The following TMEM255B variants were observed in gnomAD, a reference collection of about 807,000 sequenced individuals.
TMEM255B encodes family with sequence similarity 70, member B.
TMEM255B carries 35 observed loss-of-function variants against 34.5 expected under a neutral mutation model. The observed-to-expected ratio is 1.01, with a 90% CI of 0.77 to 1.34. TMEM255B has a LOEUF of 1.34. Among genes scored for constraint, TMEM255B ranks in the 40% most tolerant of loss-of-function variants. The probability of loss-of-function intolerance (pLI) is 0.00; values close to 1 mark genes in which losing one functional copy is unlikely to be tolerated. For missense variants in TMEM255B, 432 were observed against 433.2 expected (o/e 1.00, Z 0.02); for synonymous variants, 206 against 201.2 (o/e 1.02, Z -0.20).
intron 2 of TMEM255B, among the ~76,000 whole-genome samples, chr13:113,767,322 A>C (rs1185650026): frequency 6.6e-6 from 1 of 152,258 alleles, no homozygotes. Flanking sequence ...GTATCTATGC[A>C]GAAAAAGCTT....
At chr13:113,766,056 G>A in intron 1 of TMEM255B, 59 bp from the exon 2 acceptor site, 1 of 1,603,752 alleles carries the variant, frequency 6.2e-7, no homozygotes, top group Non-Finnish European at 8.5e-7. Flanking sequence ...GAGCCTGCTG[G>A]CCTGACGCCC....
rs567425998 is a variant in TMEM255B, at chr13:113,807,646, G to A, written c.813+2618G>A. 6.6e-5 allele frequency among the ~76,000 whole-genome samples: 9 copies of A among 136,458 alleles called. No individual in the cohort carries two copies. In the East Asian group the frequency reaches 9.0e-4, roughly 14 times the overall value. 89.5% of individuals were successfully genotyped at this position (136,458 alleles called of 152,430 possible). On this transcript the variant is annotated intron_variant, in intron 8 of 8. Coordinates refer to ENST00000375353, the MANE Select transcript of TMEM255B (RefSeq NM_182614.4). ...TGGGGGGTGGTCCTCCCTGTCACAC[G>A]CAGGCTTACGGGATGTGGGGGGCGG... is the stretch of plus-strand genomic sequence containing the variant.
rs997784695 is a variant in TMEM255B at position 113,811,986 on chromosome 13, A to G, written c.*83A>G. ...TCTAGAAATCCCGCTTCTGTGGCCA[A>G]CCTCCTAGAGAACCCGGGAGAATGT... On this transcript the variant is annotated 3_prime_UTR_variant, in exon 9 of 9. Coordinates refer to ENST00000375353, the MANE Select transcript of TMEM255B (RefSeq NM_182614.4). 1.4e-6 allele frequency: 2 copies of G among 1,466,110 alleles called. No individual in the cohort carries two copies. Among genetic ancestry groups the G allele is most frequent in the African/African-American group, 1.4e-5 (1 of 70,056 alleles). The allele number at this position is 1,466,110 out of a possible 1,614,324, so 90.8% of individuals were successfully genotyped here. A position where few individuals can be genotyped will look rare whatever the true frequency, so the allele number is the denominator to read the frequency against.
At chr13:113,794,575 C>G (rs1237077137) in intron 3 of TMEM255B, among the ~76,000 whole-genome samples, 2 of 151,880 alleles carry the variant, frequency 1.3e-5, no homozygotes, top group African/African-American at 4.8e-5. Context: ...CAGGGGTCCA[C>G]GGGGATGGAG....
rs947219241 is a variant in TMEM255B at position 113,806,133 on chromosome 13, G to C, written c.813+1105G>C. Among the ~76,000 whole-genome samples the C allele has an allele frequency of 6.6e-6, 1 of 152,162 alleles. No homozygotes were observed. Among genetic ancestry groups the C allele is most frequent in the Non-Finnish European group, 1.5e-5 (1 of 68,024 alleles). On this transcript the variant is annotated intron_variant, in intron 8 of 8. Coordinates refer to ENST00000375353, the MANE Select transcript of TMEM255B (RefSeq NM_182614.4). This position sits in a 1 kb window ranked among gnomAD's most constrained non-coding sequence, Gnocchi z 4.2. ...TTCCTTAGAGGGACATCCGGGGGAGGCCTGTGCACACTCTGCCCTCACGTC... is the reference window on the plus strand; with the variant it reads ...TTCCTTAGAGGGACATCCGGGGGAGCCCTGTGCACACTCTGCCCTCACGTC...
intron 5 of TMEM255B, 40 bp from the exon 6 acceptor site, chr13:113,800,787 G>A: frequency 6.4e-7 from 1 of 1,562,478 alleles, no homozygotes; most frequent in South Asian, 1.2e-5. Context: ...GTGAGGTGGT[G>A]GGCACCGGCA....
Position 113,787,515 on chromosome 13 carries a change from A to G in TMEM255B, c.253-7633A>G, listed in dbSNP as rs1465215304. Among the ~76,000 whole-genome samples, 12 of 152,076 alleles carry G rather than the reference A, an allele frequency of 7.9e-5. 1 individual carries two copies. Among genetic ancestry groups the G allele is most frequent in the Non-Finnish European group, 5.9e-5 (4 of 68,016 alleles). ...AGTTCAGGGTCTTTGGAGGGTGTGG[A>G]TGGTGCGAGTGTAGGGTGTAGACAG... On this transcript the variant is annotated intron_variant, in intron 3 of 8. Transcript: ENST00000375353.
intron 3 of TMEM255B, among the ~76,000 whole-genome samples, chr13:113,790,119 TGGACATCCTAGTGCTGGACTGACCG>T (rs2050805168): frequency 6.7e-6 from 1 of 149,982 alleles, no homozygotes; most frequent in Non-Finnish European, 1.5e-5. Context: ...ACCGGGCACA[TGGACATCCTAGTGCTGGACTGACCG>T]GGCACATGGA....
In TMEM255B at chr13:113,770,092, C is replaced by T. The variant is rs1420607221; in HGVS notation, c.252+932C>T. ...TCTGTTTTCACACTGCTGATAAAGACGTACCCAAGACTGGGCAGTTTACAA... is the reference window on the plus strand; with the variant it reads ...TCTGTTTTCACACTGCTGATAAAGATGTACCCAAGACTGGGCAGTTTACAA... On this transcript the variant is annotated intron_variant, in intron 3 of 8. Coordinates refer to ENST00000375353, the MANE Select transcript of TMEM255B (RefSeq NM_182614.4). The surrounding 1 kb of genome is among the most constrained non-coding windows in gnomAD (Gnocchi z 4.6). Among the ~76,000 whole-genome samples the T allele has an allele frequency of 3.3e-5, 5 of 152,188 alleles. No homozygotes were observed. Among genetic ancestry groups the T allele is most frequent in the South Asian group, 4.2e-4 (2 of 4,818 alleles).
intron 3 of TMEM255B, among the ~76,000 whole-genome samples, chr13:113,782,215 A>G (rs2050675001): frequency 6.6e-6 from 1 of 152,210 alleles, no homozygotes; most frequent in Non-Finnish European, 1.5e-5. Flanking sequence ...TGTTTTATAT[A>G]AAACCTTTAA....
Position 113,769,463 on chromosome 13 carries a change from G to A in TMEM255B, c.252+303G>A, listed in dbSNP as rs2050443439. On this transcript the variant is annotated intron_variant, in intron 3 of 8. Coordinates refer to ENST00000375353, the MANE Select transcript of TMEM255B (RefSeq NM_182614.4). This position sits in a 1 kb window ranked among gnomAD's most constrained non-coding sequence, Gnocchi z 4.2. Reference sequence around the variant, plus strand: ...AATGCATGAAGTTTGGGACGGGGGTGGCAAATTAAATTAAGTCCTAGTGTG... The same window carrying A: ...AATGCATGAAGTTTGGGACGGGGGTAGCAAATTAAATTAAGTCCTAGTGTG... 1 of 364,246 alleles carries A rather than the reference G, an allele frequency of 2.7e-6. No individual in the cohort carries two copies. Among genetic ancestry groups the A allele is most frequent in the African/African-American group, 2.0e-5 (1 of 49,346 alleles). 22.6% of individuals were successfully genotyped at this position (364,246 alleles called of 1,614,324 possible).
intron 3 of TMEM255B, among the ~76,000 whole-genome samples, chr13:113,789,426 G>A (rs2050792462): frequency 6.6e-6 from 1 of 152,140 alleles, no homozygotes; most frequent in South Asian, 2.1e-4. Flanking sequence ...TGCTATGCAC[G>A]TTCTAGGTCA....
intron 3 of TMEM255B, among the ~76,000 whole-genome samples, chr13:113,774,571 A>G (rs375239756): frequency 1.4e-5 from 2 of 140,938 alleles, no homozygotes; most frequent in African/African-American, 2.8e-5. Context: ...CACAACACAC[A>G]TGACACACAC....
intron 3 of TMEM255B, among the ~76,000 whole-genome samples, chr13:113,777,699 G>C (rs2050602133): frequency 6.6e-6 from 1 of 152,200 alleles, no homozygotes; most frequent in Non-Finnish European, 1.5e-5. Flanking sequence ...CCCCGCACCA[G>C]GTCCCTTGTC....
chr13:113,765,345 A>G (rs2050371598), intron 1 of TMEM255B, among the ~76,000 whole-genome samples: 1 of 152,226 alleles, frequency 6.6e-6, no homozygotes, highest in African/African-American at 2.4e-5. Flanking sequence ...TTGCCTTGCC[A>G]TTGAGCTCTG....
chr13:113,782,406 T>C (rs2050677315), intron 3 of TMEM255B, among the ~76,000 whole-genome samples: 1 of 152,264 alleles, frequency 6.6e-6, no homozygotes, highest in South Asian at 2.1e-4. Flanking sequence ...TTTGTCCCAT[T>C]ACATTTATCT....
chr13:113,805,021 C>T lies in TMEM255B; in HGVS notation c.806C>T (p.Pro269Leu), dbSNP rs1232859678. Residue 269 changes from proline (P) to leucine (L), a missense_variant, in exon 8 of 9, where the codon CCC becomes CTC. Transcript: ENST00000375353. The part of the protein sequence containing the change: ...PVPTCSSYPL[P>L]LQPCSRFPVA... ...CCGACCTGCTCGTCCTACCCTCTGC[C>T]CCTTCAGGTAGGGCCAGCATCACCT... 1.5e-5 allele frequency: 24 copies of T among 1,600,340 alleles called. No homozygotes were observed. The highest frequency in any genetic ancestry group is 2.0e-5 in the Non-Finnish European group (23 of 1,176,376).
intron 4 of TMEM255B, among the ~76,000 whole-genome samples, chr13:113,796,611 G>A (rs2050945905): frequency 6.6e-6 from 1 of 152,072 alleles, no homozygotes; most frequent in Non-Finnish European, 1.5e-5. Flanking sequence ...TAAAGTCGCA[G>A]GCCAAGGAAT....
At position 113,811,742 on chromosome 13, in the gene TMEM255B, A is replaced by C. The variant is rs780784386; in HGVS notation, c.820A>C (p.Ser274Arg). Residue 274 changes from serine to arginine, a missense_variant, in exon 9 of 9, where the codon AGC becomes CGC. Transcript: ENST00000375353. The part of the protein sequence containing the change: ...SSYPLPLQPC[S>R]RFPVAPSSAL... ...CCCTCTCTGTTTATTGCAGCCCTGC[A>C]GCCGCTTCCCAGTTGCGCCCTCCTC... 7 of 1,613,472 alleles carry C rather than the reference A, an allele frequency of 4.3e-6. No homozygotes were observed. The African/African-American group carries it at 9.4e-5, about 22-fold the overall frequency.
Sources: allele counts gnomAD v4.1 joint callset (sites outside exome capture counted in the v4.1 genomes callset), GRCh38; gene constraint gnomAD v4.1.1; non-coding constraint Gnocchi (gnomAD v3.1); transcripts MANE v1.5; gene names NCBI Gene and HGNC (gene_info 2026-07-23, HGNC 2026-07-21).